The following CNKSR3 variants were observed in gnomAD, a reference collection of about 807,000 sequenced individuals.
The protein encoded by CNKSR3 is connector enhancer of kinase suppressor of ras 3.
A neutral mutation model predicts 67.7 loss-of-function variants in CNKSR3; 36 were observed. That is an observed-to-expected ratio of 0.53 (90% CI 0.41 to 0.70). The LOEUF (loss-of-function observed/expected upper bound fraction) is 0.70. Among genes scored for constraint, CNKSR3 ranks in the 30% least tolerant of loss-of-function variants. The pLI, the probability that CNKSR3 is intolerant of heterozygous loss-of-function variation, is 0.00. For missense variants in CNKSR3, 630 were observed against 695.2 expected, an observed-to-expected ratio of 0.91 and a Z score of 1.05; for synonymous variants, 281 against 271.4, an observed-to-expected ratio of 1.04 and a Z score of -0.35.
chr6:154,483,434 C>G (rs1250980649), intron 1 of CNKSR3, among the ~76,000 whole-genome samples: 1 of 152,088 alleles, frequency 6.6e-6, no homozygotes, highest in East Asian at 1.9e-4. Flanking sequence ...CACTGCCCAG[C>G]ACTACCAATG....
chr6:154,476,636 A>G (rs1481171908), intron 1 of CNKSR3, among the ~76,000 whole-genome samples: 15 of 152,184 alleles, frequency 9.9e-5, no homozygotes. Context: ...ACAGTAACTT[A>G]GAAAACATGG....
At chr6:154,494,518 C>A (rs78487145) in intron 1 of CNKSR3, among the ~76,000 whole-genome samples, 1 of 151,936 alleles carries the variant, frequency 6.6e-6, no homozygotes, top group Admixed American at 6.6e-5. Flanking sequence ...AAACAGAACA[C>A]GGAGAAAGGT....
intron 7 of CNKSR3, among the ~76,000 whole-genome samples, chr6:154,425,061 C>A (rs985924242): frequency 6.6e-6 from 1 of 152,188 alleles, no homozygotes; most frequent in Non-Finnish European, 1.5e-5. Context: ...CGTGAGCCAC[C>A]GCACCCGGCT....
rs566055273 is a variant in CNKSR3 at position 154,460,231 on chromosome 6, G to A, written c.53-9973C>T. On this transcript the variant is annotated intron_variant, in intron 1 of 12. Coordinates refer to ENST00000607772, the MANE Select transcript of CNKSR3 (RefSeq NM_173515.4). ...ATGCAAATCTTAAGTCAACTGAAGA[G>A]ATCATCAGAATTCAGAATATAATGG... Among the ~76,000 whole-genome samples the A allele has an allele frequency of 5.9e-5, 9 of 152,342 alleles. No homozygotes were observed. In the South Asian group the frequency reaches 1.0e-3, roughly 18 times the overall value.
At chr6:154,454,082 A>AACACACACACACACACACAC (rs368097129) in intron 1 of CNKSR3, among the ~76,000 whole-genome samples, 24 of 78,276 alleles carry the variant, frequency 3.1e-4, no homozygotes, top group African/African-American at 8.9e-4. Context: ...GCAAGATGAA[A>AACACACACACACACACACAC]ACACACACAC....
chr6:154,428,091 A>T (rs9384217), intron 7 of CNKSR3, 37 bp downstream of exon 7: 615,842 of 1,373,138 alleles, frequency 0.45, 140,721 homozygotes, highest in Non-Finnish European at 0.48. Flanking sequence ...CTGTTTAAAC[A>T]CACAACAGAT....
chr6:154,448,449 AAG>A (rs1785755059), intron 2 of CNKSR3, among the ~76,000 whole-genome samples: 1 of 150,892 alleles, frequency 6.6e-6, no homozygotes, highest in Non-Finnish European at 1.5e-5. Context: ...AAAAAAAAAA[AAG>A]AAAATACAGT....
chr6:154,467,008 G>A (rs896842122), intron 1 of CNKSR3, among the ~76,000 whole-genome samples: 13 of 152,020 alleles, frequency 8.6e-5, no homozygotes, highest in Non-Finnish European at 1.6e-4. Flanking sequence ...GGACAGGCAG[G>A]CAGGAGGCAG....
chr6:154,455,553 C>T (rs1256703520), intron 1 of CNKSR3, among the ~76,000 whole-genome samples: 1 of 151,708 alleles, frequency 6.6e-6, no homozygotes, highest in Non-Finnish European at 1.5e-5. Context: ...TCCCAAGTAG[C>T]TGGGATTATA....
chr6:154,471,064 G>A (rs571508158), intron 1 of CNKSR3, among the ~76,000 whole-genome samples: 30 of 152,054 alleles, frequency 2.0e-4, no homozygotes, highest in Middle Eastern at 3.2e-3. Context: ...CTAAATACCA[G>A]ACAGTGGAAG....
chr6:154,475,827 T>C (rs1582890605), intron 1 of CNKSR3, among the ~76,000 whole-genome samples: 1 of 152,286 alleles, frequency 6.6e-6, no homozygotes, highest in South Asian at 2.1e-4. Context: ...TGTAGTGCCT[T>C]ACACGTGGTC....
intron 2 of CNKSR3, among the ~76,000 whole-genome samples, chr6:154,444,343 CTCCAAAGTTACAAAGCTCA>C (rs761771983): frequency 1.3e-4 from 20 of 152,126 alleles, no homozygotes; most frequent in Non-Finnish European, 2.4e-4. Context: ...TAAATAAATT[CTCCAAAGTTACAAAGCTCA>C]TCAGCGGTAG....
In CNKSR3 at chr6:154,394,924, C is replaced by T. The variant is rs529496243; in HGVS notation, c.*11430G>A. 1 of 152,200 alleles carries T rather than the reference C, an allele frequency of 6.6e-6. No homozygotes were observed. The highest frequency in any genetic ancestry group is 2.1e-4 in the South Asian group (1 of 4,820). 9.4% of individuals were successfully genotyped at this position (152,200 alleles called of 1,614,324 possible). A position where few individuals can be genotyped will look rare whatever the true frequency, so the allele number is the denominator to read the frequency against. On this transcript the variant is annotated 3_prime_UTR_variant, in exon 13 of 13. Transcript: ENST00000607772. ...TCCAATGGCCAAATACATTTTCTTT[C>T]GTCACAGGAACTAAAGGAAAGAGAT...
Position 154,422,505 on chromosome 6 carries a change from C to G in CNKSR3, c.945+1G>C. 4.3e-6 allele frequency: 7 copies of G among 1,613,362 alleles called. No individual in the cohort carries two copies. Among genetic ancestry groups the G allele is most frequent in the Non-Finnish European group, 5.9e-6 (7 of 1,179,402 alleles). On this transcript the variant is annotated splice_donor_variant, in intron 9 of 12. Transcript: ENST00000607772. LOFTEE classifies it high-confidence loss of function. ...GGAGGTTTACAGTTAATCCCAGATA[C>G]CTGTACAAGAGGTGGCTTCCACCGT...
At chr6:154,437,557 G>A (rs1397235257) in intron 4 of CNKSR3, among the ~76,000 whole-genome samples, 1 of 151,690 alleles carries the variant, frequency 6.6e-6, no homozygotes, top group Non-Finnish European at 1.5e-5. Flanking sequence ...GGGATATATA[G>A]GTGTCCGCCA....
In CNKSR3 at chr6:154,404,849, CA is replaced by C. The variant is rs200938575; in HGVS notation, c.*1504del. ...TCCATCTCAAAAACAAACAAACAAACAAAAAAAACCAGCCTGACTGAATTCA... is the reference window on the plus strand; with the variant it reads ...TCCATCTCAAAAACAAACAAACAAACAAAAAAACCAGCCTGACTGAATTCA... On this transcript the variant is annotated 3_prime_UTR_variant, in exon 13 of 13. Coordinates refer to ENST00000607772, the MANE Select transcript of CNKSR3 (RefSeq NM_173515.4). 4 of 151,946 alleles carry C rather than the reference CA, an allele frequency of 2.6e-5. No individual in the cohort carries two copies. Among genetic ancestry groups the C allele is most frequent in the Admixed American group, 6.6e-5 (1 of 15,238 alleles). The allele number at this position is 151,946 out of a possible 1,614,324, so 9.4% of individuals were successfully genotyped here.
rs117105445 is a variant in CNKSR3 at position 154,474,911 on chromosome 6, G to A, written c.53-24653C>T. On this transcript the variant is annotated intron_variant, in intron 1 of 12. Transcript: ENST00000607772. ...CTTGACAGTGGCTGTGAGTGAGTCAGAAAGTTGGGCAGAGACTGCGGGCCT... is the reference window on the plus strand; with the variant it reads ...CTTGACAGTGGCTGTGAGTGAGTCAAAAAGTTGGGCAGAGACTGCGGGCCT... Among the ~76,000 whole-genome samples the A allele has an allele frequency of 3.2e-3, 494 of 152,362 alleles. 2 individuals carry two copies. Among genetic ancestry groups the A allele is most frequent in the Non-Finnish European group, 5.3e-3 (362 of 68,032 alleles).
chr6:154,417,077 T>C (rs1458861162), intron 9 of CNKSR3, among the ~76,000 whole-genome samples: 1 of 152,212 alleles, frequency 6.6e-6, no homozygotes, highest in African/African-American at 2.4e-5. Context: ...TTTTCCTCTA[T>C]TGCCTCAAAC....
At chr6:154,460,323 G>C (rs1457613355) in intron 1 of CNKSR3, among the ~76,000 whole-genome samples, 2 of 152,190 alleles carry the variant, frequency 1.3e-5, no homozygotes, top group South Asian at 2.1e-4. Flanking sequence ...TGTATGAGGA[G>C]CTTGAAAGAT....
Sources: gnomAD v4.1 joint callset for allele counts (sites outside exome capture counted in the v4.1 genomes callset) on GRCh38, gnomAD v4.1.1 for gene constraint, MANE v1.5 for transcripts, NCBI Gene and HGNC (gene_info 2026-07-23, HGNC 2026-07-21) for gene names.